NPAS3: variants seen among roughly 807,000 people sequenced by gnomAD.
NPAS3 encodes the protein neuronal PAS domain protein 3, also known as neuronal PAS domain-containing protein 3.
NPAS3 carries 14 observed loss-of-function variants against 73.1 expected under a neutral mutation model. That is an observed-to-expected ratio of 0.19 (90% CI 0.13 to 0.30). NPAS3 has a LOEUF of 0.30. Ranked by LOEUF, NPAS3 falls within the 10% of genes least tolerant of loss-of-function variation. The pLI is 1.00. For synonymous variants in NPAS3, 620 were observed against 541.5 expected (o/e 1.14, Z -2.01); for missense variants, 1,096 against 1,250.0 (o/e 0.88, Z 1.86).
At chr14:33,310,368 A>T (rs772358311) in intron 3 of NPAS3, among the ~76,000 whole-genome samples, 1 of 152,120 alleles carries the variant, frequency 6.6e-6, no homozygotes, top group African/African-American at 2.4e-5. Flanking sequence ...TCTGCATAAC[A>T]TTATTTCCAG....
intron 4 of NPAS3, among the ~76,000 whole-genome samples, chr14:33,519,716 T>C (rs2053473313): frequency 6.6e-6 from 1 of 152,178 alleles, no homozygotes; most frequent in Non-Finnish European, 1.5e-5. Context: ...TGGCTTCTTA[T>C]CACATCTTCC....
intron 1 of NPAS3, among the ~76,000 whole-genome samples, chr14:32,951,190 T>G (rs2036469841): frequency 6.6e-6 from 1 of 152,096 alleles, no homozygotes; most frequent in Non-Finnish European, 1.5e-5. Flanking sequence ...TTTCTTTATT[T>G]TCATACTGAG....
intron 5 of NPAS3, among the ~76,000 whole-genome samples, chr14:33,580,593 A>AACCAGGTGTGGTTGCCTGCTGCG: frequency 6.6e-6 from 1 of 152,272 alleles, no homozygotes; most frequent in Non-Finnish European, 1.5e-5. Context: ...GGCAATGCAG[A>AACCAGGTGTGGTTGCCTGCTGCG]ACCAGGTGTG....
intron 5 of NPAS3, among the ~76,000 whole-genome samples, chr14:33,587,572 C>G (rs144543185): frequency 6.6e-6 from 1 of 151,966 alleles, no homozygotes; most frequent in Non-Finnish European, 1.5e-5. Context: ...AGCATAGTAC[C>G]GGACACTTCT....
chr14:33,627,594 G>A (rs2058257797), intron 5 of NPAS3, among the ~76,000 whole-genome samples: 1 of 152,182 alleles, frequency 6.6e-6, no homozygotes, highest in Non-Finnish European at 1.5e-5. Context: ...GTTCAAGGTA[G>A]GCAGCTGATT....
Position 33,247,013 on chromosome 14 carries a change from C to CAACA in NPAS3, c.385+31606_385+31609dup, listed in dbSNP as rs367720454. ...TGGGTGACAGAGCAATACCCTGTTTCAACAAACAAACAAACAAACAAAAAA... is the reference window on the plus strand; with the variant it reads ...TGGGTGACAGAGCAATACCCTGTTTCAACAAACAAACAAACAAACAAACAAAAAA... On this transcript the variant is annotated intron_variant, in intron 3 of 11. Coordinates refer to ENST00000356141, the Ensembl canonical transcript of NPAS3. Among the ~76,000 whole-genome samples, 122 of 151,404 alleles carry CAACA rather than the reference C, an allele frequency of 8.1e-4. 7 individuals are homozygous for CAACA. The South Asian group carries it at 0.022, about 27-fold the overall frequency.
chr14:33,244,782 C>A lies in NPAS3; in HGVS notation c.385+29356C>A, dbSNP rs541929735. ...CCTGGAATGCCAAAAGCTAAAACCC[C>A]AACTCAGCAAGGCATGAGTAAAGGC... On this transcript the variant is annotated intron_variant, in intron 3 of 11. Transcript: ENST00000356141. Among the ~76,000 whole-genome samples, 267 of 152,232 alleles carry A rather than the reference C, an allele frequency of 1.8e-3. 1 individual carries two copies. Among genetic ancestry groups the A allele is most frequent in the African/African-American group, 6.1e-3 (252 of 41,548 alleles).
At chr14:33,274,456 T>C (rs147980142) in intron 3 of NPAS3, among the ~76,000 whole-genome samples, 49 of 152,304 alleles carry the variant, frequency 3.2e-4, no homozygotes, top group African/African-American at 1.1e-3. Context: ...CCCTCCCCTT[T>C]TCTCTGGCCT....
intron 1 of NPAS3, among the ~76,000 whole-genome samples, chr14:32,959,705 A>G (rs1195164602): frequency 2.0e-5 from 3 of 152,196 alleles, no homozygotes; most frequent in Admixed American, 2.0e-4. Context: ...AGCGTCGGGC[A>G]TACTTCATTT....
chr14:33,542,913 G>T (rs1274554027), intron 4 of NPAS3, among the ~76,000 whole-genome samples: 2 of 152,122 alleles, frequency 1.3e-5, no homozygotes, highest in Non-Finnish European at 2.9e-5. Context: ...TCAGTGCGTG[G>T]GTGTTATTTG....
At chr14:33,019,418 G>T (rs916254878) in intron 1 of NPAS3, among the ~76,000 whole-genome samples, 2 of 152,094 alleles carry the variant, frequency 1.3e-5, no homozygotes, top group Non-Finnish European at 2.9e-5. Context: ...ATTTGTATTT[G>T]TATTAACACA....
In NPAS3 at chr14:33,178,791, C is replaced by T. The variant is rs1312364633; in HGVS notation, c.141-36391C>T. Among the ~76,000 whole-genome samples, 3 of 152,052 alleles carry T rather than the reference C, an allele frequency of 2.0e-5. No individual in the cohort carries two copies. In the East Asian group the frequency reaches 5.8e-4, roughly 29 times the overall value. ...AAAGATAGTTTTACTCCTTTCCTTC[C>T]AATTTGATATATTGTATTCTTTTTC... On this transcript the variant is annotated intron_variant, in intron 2 of 11. Coordinates refer to ENST00000356141, the Ensembl canonical transcript of NPAS3.
At chr14:33,218,573 T>A (rs181980974) in intron 3 of NPAS3, among the ~76,000 whole-genome samples, 2 of 152,206 alleles carry the variant, frequency 1.3e-5, no homozygotes, top group African/African-American at 4.8e-5. Context: ...TGAAGTGCAG[T>A]TCATAATCCA....
At chr14:33,660,251 G>A (rs2059268605) in intron 5 of NPAS3, among the ~76,000 whole-genome samples, 2 of 152,176 alleles carry the variant, frequency 1.3e-5, no homozygotes, top group South Asian at 4.1e-4. Flanking sequence ...TAAGGAAAAT[G>A]GGTATGAGCT....
At chr14:33,042,837 A>G (rs1396277309) in intron 1 of NPAS3, among the ~76,000 whole-genome samples, 1 of 152,206 alleles carries the variant, frequency 6.6e-6, no homozygotes, top group African/African-American at 2.4e-5. Context: ...AGTTAAGTAC[A>G]GAAATGTGGG....
chr14:33,117,499 A>T (rs1357512754), intron 2 of NPAS3, among the ~76,000 whole-genome samples: 1 of 152,158 alleles, frequency 6.6e-6, no homozygotes, highest in African/African-American at 2.4e-5. Flanking sequence ...TGTGTAAGCC[A>T]AAGAGTGCAG....
At chr14:33,136,213 A>T (rs999681617) in intron 2 of NPAS3, among the ~76,000 whole-genome samples, 7 of 151,452 alleles carry the variant, frequency 4.6e-5, no homozygotes, top group Non-Finnish European at 8.8e-5. Context: ...GGCGCACACC[A>T]CCACGCCCAG....
intron 4 of NPAS3, among the ~76,000 whole-genome samples, chr14:33,540,728 G>A (rs79164616): frequency 0.012 from 1,788 of 152,156 alleles, 26 homozygotes; most frequent in Middle Eastern, 0.048. Context: ...ACACTGAGCT[G>A]GAAACTAGAA....
intron 3 of NPAS3, among the ~76,000 whole-genome samples, chr14:33,256,227 G>T (rs1286316098): frequency 6.6e-6 from 1 of 152,130 alleles, no homozygotes; most frequent in African/African-American, 2.4e-5. Context: ...CTTTATAATA[G>T]ATTTCAATCC....
Sources: gnomAD v4.1 joint callset for allele counts (sites outside exome capture counted in the v4.1 genomes callset) on GRCh38, gnomAD v4.1.1 for gene constraint, MANE v1.5 for transcripts, NCBI Gene and HGNC (gene_info 2026-07-23, HGNC 2026-07-21) for gene names.